The following CTNNA3 variants were observed in gnomAD, a reference collection of about 807,000 sequenced individuals.
CTNNA3 encodes the protein catenin alpha-3.
In CTNNA3, 76 loss-of-function variants were observed where a neutral mutation model predicts 95.7. The ratio of observed to expected loss-of-function variants is 0.79; its 90% CI spans 0.66 to 0.96. CTNNA3 has a LOEUF of 0.96. CTNNA3 is among the 40% of genes least tolerant of loss of function. The pLI is 0.00. For missense variants in CTNNA3, 1,191 were observed against 1,089.8 expected (o/e 1.09, Z -1.31); for synonymous variants, 431 against 374.4 (o/e 1.15, Z -1.74).
At chr10:66,201,987 G>A (rs2087454628) in intron 13 of CTNNA3, among the ~76,000 whole-genome samples, 1 of 151,654 alleles carries the variant, frequency 6.6e-6, no homozygotes, top group Non-Finnish European at 1.5e-5. Context: ...GGGTTTCACT[G>A]TGTTGCCCAA....
rs575670593 is a variant in CTNNA3, at chr10:66,395,996, C to T, written c.1532-16644G>A. On this transcript the variant is annotated intron_variant, in intron 11 of 17. Coordinates refer to ENST00000433211, the MANE Select transcript of CTNNA3 (RefSeq NM_013266.4). ...ATTTCCATCTTCATGTCTACATGTA[C>T]CCATTGTTTAGTTCCCACTTGTAAG... Among the ~76,000 whole-genome samples, 64 of 151,910 alleles carry T rather than the reference C, an allele frequency of 4.2e-4. 1 individual carries two copies. Among genetic ancestry groups the T allele is most frequent in the Admixed American group, 1.1e-3 (17 of 15,200 alleles).
intron 2 of CTNNA3, among the ~76,000 whole-genome samples, chr10:67,616,352 C>A (rs1843656547): frequency 6.6e-6 from 1 of 152,150 alleles, no homozygotes; most frequent in Admixed American, 6.5e-5. Flanking sequence ...ATTCTAAATG[C>A]TCTAGGCAAA....
At chr10:66,270,393 C>T (rs949994697) in intron 13 of CTNNA3, among the ~76,000 whole-genome samples, 2 of 151,892 alleles carry the variant, frequency 1.3e-5, no homozygotes, top group Non-Finnish European at 2.9e-5. Context: ...TTTACAGAGA[C>T]GGGGGTTTCA....
intron 11 of CTNNA3, among the ~76,000 whole-genome samples, chr10:66,451,850 T>C (rs2093466936): frequency 6.6e-6 from 1 of 152,196 alleles, no homozygotes; most frequent in South Asian, 2.1e-4. Flanking sequence ...TTCCTAAGCA[T>C]CCCGACAGGG....
intron 5 of CTNNA3, among the ~76,000 whole-genome samples, chr10:67,240,136 G>T (rs1042770718): frequency 4.6e-5 from 7 of 152,158 alleles, no homozygotes; most frequent in Non-Finnish European, 7.4e-5. Context: ...TTCTGAAGCT[G>T]ACAAAACCAC....
chr10:67,200,808 C>A (rs1863610291), intron 6 of CTNNA3, among the ~76,000 whole-genome samples: 1 of 152,130 alleles, frequency 6.6e-6, no homozygotes, highest in Admixed American at 6.6e-5. Context: ...ACACATTATA[C>A]CTTGTTACAA....
intron 13 of CTNNA3, among the ~76,000 whole-genome samples, chr10:66,240,427 GTAC>G (rs1157512652): frequency 1.3e-5 from 2 of 151,970 alleles, no homozygotes; most frequent in African/African-American, 4.8e-5. Context: ...TTCTGAATAT[GTAC>G]TAGCCGGACA....
In CTNNA3 at chr10:65,989,834, C is replaced by T. The variant is rs191952507; in HGVS notation, c.2160-1037G>A. Among the ~76,000 whole-genome samples, 434 of 152,110 alleles carry T rather than the reference C, an allele frequency of 2.9e-3. 3 individuals carry two copies. The highest frequency in any genetic ancestry group is 8.9e-3 in the African/African-American group (371 of 41,496). ...ATTGTTCTTTCTAACTGTATGTTTG[C>T]TCCCATTAACCAACCTCTCTTATCC... On this transcript the variant is annotated intron_variant, in intron 15 of 17. Transcript: ENST00000433211.
chr10:67,657,880 GA>G (rs1294294385), intron 1 of CTNNA3, among the ~76,000 whole-genome samples: 1 of 136,218 alleles, frequency 7.3e-6, no homozygotes, highest in African/African-American at 2.8e-5. Flanking sequence ...GACAAGACAA[GA>G]AAAAAAAGAA....
intron 7 of CTNNA3, among the ~76,000 whole-genome samples, chr10:66,833,750 C>T (rs958638453): frequency 6.6e-6 from 1 of 152,078 alleles, no homozygotes; most frequent in African/African-American, 2.4e-5. Flanking sequence ...AACTACATAT[C>T]CAATTTTCTG....
At chr10:66,536,196 A>C (rs1266424120) in intron 10 of CTNNA3, among the ~76,000 whole-genome samples, 2 of 151,896 alleles carry the variant, frequency 1.3e-5, no homozygotes, top group Admixed American at 1.3e-4. Flanking sequence ...AGAGAAATTA[A>C]AAAAGGTAAT....
intron 10 of CTNNA3, among the ~76,000 whole-genome samples, chr10:66,534,078 T>C (rs1009417126): frequency 5.9e-5 from 9 of 152,192 alleles, no homozygotes; most frequent in Non-Finnish European, 7.3e-5. Context: ...AGGCTTTCCT[T>C]GTTGATCCAT....
At chr10:67,531,639 T>C (rs1439620066) in intron 4 of CTNNA3, among the ~76,000 whole-genome samples, 3 of 152,172 alleles carry the variant, frequency 2.0e-5, no homozygotes, top group Non-Finnish European at 4.4e-5. Context: ...TGTTGAACTG[T>C]GGACTTTTGA....
intron 13 of CTNNA3, among the ~76,000 whole-genome samples, chr10:66,261,970 C>G (rs2091015954): frequency 1.3e-5 from 2 of 151,982 alleles, no homozygotes; most frequent in South Asian, 4.1e-4. Flanking sequence ...AGGTTCCTTC[C>G]CATCTTCTCC....
intron 7 of CTNNA3, among the ~76,000 whole-genome samples, chr10:67,048,104 G>A (rs981146972): frequency 3.9e-5 from 6 of 152,056 alleles, no homozygotes; most frequent in Non-Finnish European, 7.4e-5. Flanking sequence ...AATTTATTTT[G>A]TAAAAAGAAA....
chr10:66,045,111 A>G (rs1160701710), intron 15 of CTNNA3, among the ~76,000 whole-genome samples: 1 of 152,218 alleles, frequency 6.6e-6, no homozygotes, highest in Non-Finnish European at 1.5e-5. Context: ...TCAATGACAG[A>G]GATAATCTGA....
chr10:66,057,212 G>C (rs1207943841), intron 15 of CTNNA3, among the ~76,000 whole-genome samples: 2 of 152,098 alleles, frequency 1.3e-5, no homozygotes, highest in Non-Finnish European at 2.9e-5. Flanking sequence ...GTAAAGTCTG[G>C]ATGAGCAGTC....
intron 7 of CTNNA3, among the ~76,000 whole-genome samples, chr10:66,969,470 C>G (rs1040903539): frequency 6.6e-6 from 1 of 152,066 alleles, no homozygotes; most frequent in Non-Finnish European, 1.5e-5. Flanking sequence ...TTTTAAGCAG[C>G]TTTATCCATA....
intron 11 of CTNNA3, among the ~76,000 whole-genome samples, chr10:66,397,982 G>A (rs951721875): frequency 8.6e-5 from 13 of 151,864 alleles, no homozygotes; most frequent in African/African-American, 2.9e-4. Context: ...GCTGACAACA[G>A]CTATTAAGAG....
Sources: gnomAD v4.1 joint callset for allele counts (sites outside exome capture counted in the v4.1 genomes callset) on GRCh38, gnomAD v4.1.1 for gene constraint, MANE v1.5 for transcripts, NCBI Gene and HGNC (gene_info 2026-07-23, HGNC 2026-07-21) for gene names.